SUPT16H: variants seen among roughly 807,000 people sequenced by gnomAD.
The protein encoded by SUPT16H is FACT complex subunit SPT16.
A neutral mutation model predicts 136.2 loss-of-function variants in SUPT16H; 24 were observed. The observed-to-expected ratio is 0.18, with a 90% confidence interval of 0.13 to 0.25. The LOEUF (loss-of-function observed/expected upper bound fraction) is 0.25. SUPT16H is among the 10% of genes least tolerant of loss of function. The pLI is 1.00. For synonymous variants in SUPT16H, 415 were observed against 428.2 expected (o/e 0.97, Z 0.38); for missense variants, 623 against 1,270.2 (o/e 0.49, Z 7.74).
At position 21,362,855 on chromosome 14, in the gene SUPT16H, T is replaced by C; in HGVS notation, c.1604A>G (p.Tyr535Cys). Residue 535 changes from tyrosine (Y) to cysteine (C), a missense_variant, in exon 14 of 26, where the codon TAT becomes TGT. Transcript: ENST00000216297. ...AAACACGGGCATTATTACAGTCTCATATTTCTTATCGATGTAGATCTTCAT... is the reference window on the plus strand; with the variant it reads ...AAACACGGGCATTATTACAGTCTCACATTTCTTATCGATGTAGATCTTCAT... Reference protein sequence around the residue: ...REMKIYIDKKYETVIMPVFGI... With the variant: ...REMKIYIDKKCETVIMPVFGI... 4.3e-6 allele frequency: 7 copies of C among 1,613,958 alleles called. No homozygotes were observed. The highest frequency in any genetic ancestry group is 5.9e-6 in the Non-Finnish European group (7 of 1,179,998).
intron 8 of SUPT16H, 52 bp downstream of exon 8, chr14:21,366,387 G>T: frequency 6.5e-7 from 1 of 1,536,204 alleles, no homozygotes; most frequent in South Asian, 1.1e-5. Context: ...ACTGACCACT[G>T]ACAGTCTAAC....
chr14:21,355,541 GAAAC>G (rs368428648), intron 22 of SUPT16H, among the ~76,000 whole-genome samples: 1 of 129,014 alleles, frequency 7.8e-6, no homozygotes, highest in Non-Finnish European at 1.7e-5. Flanking sequence ...AAAAAAGAAA[GAAAC>G]AGGGACAATT....
At chr14:21,382,150 C>T (rs928880584) in intron 1 of SUPT16H, among the ~76,000 whole-genome samples, 10 of 152,160 alleles carry the variant, frequency 6.6e-5, no homozygotes, top group African/African-American at 2.4e-4. Context: ...GTTCTGGACA[C>T]ATTAACACAA....
rs376890291 is a variant in SUPT16H, at chr14:21,372,064, T to C, written c.160-20A>G. ...CCATGTCTATGGAAAAAGACAACAG[T>C]GACAACGGTATTTACAGATACAAAA... On this transcript the variant is annotated intron_variant, in intron 2 of 25. Transcript: ENST00000216297. The C allele has an allele frequency of 7.0e-5, 112 of 1,602,964 alleles. No homozygotes were observed. Among genetic ancestry groups the C allele is most frequent in the Non-Finnish European group, 9.2e-5 (108 of 1,175,980 alleles).
At chr14:21,379,739 T>G (rs1886980967) in intron 1 of SUPT16H, among the ~76,000 whole-genome samples, 1 of 151,812 alleles carries the variant, frequency 6.6e-6, no homozygotes, top group African/African-American at 2.4e-5. Flanking sequence ...TAAAAATTGG[T>G]CAAGTGTTGT....
chr14:21,378,536 G>A (rs1036705571), intron 1 of SUPT16H, among the ~76,000 whole-genome samples: 1 of 152,104 alleles, frequency 6.6e-6, no homozygotes, highest in Non-Finnish European at 1.5e-5. Context: ...GGGGTGGTGG[G>A]TATAAAGGGT....
At chr14:21,357,767 T>C (rs548666455) in intron 21 of SUPT16H, among the ~76,000 whole-genome samples, 160 bp downstream of exon 21, 3 of 152,280 alleles carry the variant, frequency 2.0e-5, no homozygotes, top group African/African-American at 7.2e-5. Flanking sequence ...TGAGCCATTA[T>C]GCCTGCCCTA....
At chr14:21,367,511 A>G (rs1378682792) in intron 7 of SUPT16H, among the ~76,000 whole-genome samples, 1 of 152,180 alleles carries the variant, frequency 6.6e-6, no homozygotes, top group Non-Finnish European at 1.5e-5. Flanking sequence ...TATCTTCATT[A>G]AACTATCTAT....
intron 1 of SUPT16H, among the ~76,000 whole-genome samples, chr14:21,377,385 T>C (rs1344466039): frequency 6.6e-6 from 1 of 152,224 alleles, no homozygotes; most frequent in African/African-American, 2.4e-5. Flanking sequence ...AAAGTAACAC[T>C]GAAGTCTTTG....
chr14:21,358,971 A>AT (rs1422359154), intron 19 of SUPT16H, among the ~76,000 whole-genome samples: 6 of 151,524 alleles, frequency 4.0e-5, no homozygotes, highest in Non-Finnish European at 7.4e-5. Context: ...CACCCGGCTA[A>AT]TTTTTTTGTA....
chr14:21,352,739 A>C lies in SUPT16H; in HGVS notation c.3078T>G (p.Ser1026Arg). Reference protein sequence around the residue: ...MSRKRKASVHSSGRGSNRGSR... With the variant: ...MSRKRKASVHRSGRGSNRGSR... ...AACCACGGTTAGAGCCACGGCCCGA[A>C]CTGTGCACAGATGCCTTCCTCTTCC... Residue 1026 changes from serine (S) to arginine (R), a missense_variant, in exon 26 of 26, where the codon AGT becomes AGG. Physicochemically the swap from Ser to Arg is moderately radical, Grantham distance 110 (BLOSUM62 -1). This residue lies in a region of SUPT16H where 88 missense variants were observed against 135.5 expected (regional missense o/e 0.65). Transcript: ENST00000216297. 6.2e-7 allele frequency: 1 copy of C among 1,614,004 alleles called. No homozygotes were observed. The highest frequency in any genetic ancestry group is 8.5e-7 in the Non-Finnish European group (1 of 1,179,984).
intron 21 of SUPT16H, 40 bp downstream of exon 21, chr14:21,357,887 C>G (rs1314269401): frequency 6.4e-7 from 1 of 1,573,798 alleles, no homozygotes; most frequent in South Asian, 1.1e-5. Flanking sequence ...TTTATTTTCT[C>G]TAACAATTTT....
intron 24 of SUPT16H, 67 bp downstream of exon 24, chr14:21,353,636 A>G: frequency 2.5e-6 from 4 of 1,603,500 alleles, no homozygotes; most frequent in Non-Finnish European, 3.4e-6. Context: ...CTTAGTCTAA[A>G]AAAAGTAGTT....
At chr14:21,382,021 T>C (rs1306962511) in intron 1 of SUPT16H, among the ~76,000 whole-genome samples, 2 of 152,188 alleles carry the variant, frequency 1.3e-5, no homozygotes, top group Non-Finnish European at 2.9e-5. Flanking sequence ...CTTTCTGCTA[T>C]ATCCAGGAGG....
chr14:21,368,018 G>A (rs915419935), intron 7 of SUPT16H, among the ~76,000 whole-genome samples: 6 of 152,150 alleles, frequency 3.9e-5, no homozygotes, highest in Admixed American at 3.9e-4. Context: ...AGGCTCAAGT[G>A]ATCCTCCTCA....
At chr14:21,379,413 G>C (rs1886971363) in intron 1 of SUPT16H, among the ~76,000 whole-genome samples, 1 of 148,516 alleles carries the variant, frequency 6.7e-6, no homozygotes, top group Non-Finnish European at 1.5e-5. Context: ...TCCAGCCTGG[G>C]TGGCACAGTC....
At chr14:21,367,016 C>T (rs1886686027) in intron 7 of SUPT16H, among the ~76,000 whole-genome samples, 1 of 152,134 alleles carries the variant, frequency 6.6e-6, no homozygotes, top group Non-Finnish European at 1.5e-5. Context: ...TCCTACTTCA[C>T]TGCAAGCTCC....
At chr14:21,360,360 G>A in intron 18 of SUPT16H, 55 bp downstream of exon 18, 1 of 1,320,266 alleles carries the variant, frequency 7.6e-7, no homozygotes, top group Non-Finnish European at 1.1e-6. Flanking sequence ...AAGAAGCTGA[G>A]TGAAATGAAG....
intron 10 of SUPT16H, 94 bp downstream of exon 10, chr14:21,364,733 A>AG (rs1886629008): frequency 5.8e-6 from 6 of 1,031,384 alleles, no homozygotes; most frequent in Middle Eastern, 3.0e-4. Context: ...CCCCTTAGCT[A>AG]GCATTTAACA....
Sources: allele counts gnomAD v4.1 joint callset (sites outside exome capture counted in the v4.1 genomes callset), GRCh38; gene constraint gnomAD v4.1.1; regional missense constraint gnomAD v4.1.1; transcripts MANE v1.5; gene names NCBI Gene and HGNC (gene_info 2026-07-23, HGNC 2026-07-21).